ZXDC: variants seen among roughly 807,000 people sequenced by gnomAD.
ZXDC encodes ZXD family zinc finger C.
ZXDC carries 58 observed loss-of-function variants against 63.6 expected under a neutral mutation model. That is an observed-to-expected ratio of 0.91 (90% CI 0.74 to 1.13). ZXDC has a LOEUF of 1.13. Among genes scored for constraint, ZXDC ranks in the 50% most tolerant of loss-of-function variants. The pLI is 0.00. For missense variants in ZXDC, 1,133 were observed against 1,148.9 expected, an observed-to-expected ratio of 0.99 and a Z score of 0.20; for synonymous variants, 561 against 496.1, an observed-to-expected ratio of 1.13 and a Z score of -1.74.
intron 7 of ZXDC, among the ~76,000 whole-genome samples, chr3:126,448,286 A>C (rs921613902): frequency 6.6e-6 from 1 of 152,224 alleles, no homozygotes; most frequent in Non-Finnish European, 1.5e-5. Flanking sequence ...TATGTACTGT[A>C]TCTTCACCAC....
chr3:126,454,089 GTA>G (rs1464269034), intron 7 of ZXDC: 6 of 892,104 alleles, frequency 6.7e-6, no homozygotes, highest in South Asian at 1.0e-4. Context: ...AAAGACTTTT[GTA>G]TAGTTTTCCT....
chr3:126,468,983 G>A (rs759624466), intron 4 of ZXDC, among the ~76,000 whole-genome samples: 1 of 152,170 alleles, frequency 6.6e-6, no homozygotes, highest in Non-Finnish European at 1.5e-5. Flanking sequence ...TCACAACAAC[G>A]ACAGTAACTG....
Position 126,470,875 on chromosome 3 carries a change from A to C in ZXDC, c.1270+20T>G, listed in dbSNP as rs755714948. On this transcript the variant is annotated intron_variant, in intron 4 of 9. Transcript: ENST00000389709. ...GCATTGCACTTAGTTTACTGCTCAA[A>C]GCAATGTTTTAAAATCTACCTTCCA... 7 of 1,613,642 alleles carry C rather than the reference A, an allele frequency of 4.3e-6. No homozygotes were observed. Among genetic ancestry groups the C allele is most frequent in the Non-Finnish European group, 5.9e-6 (7 of 1,179,662 alleles).
intron 7 of ZXDC, among the ~76,000 whole-genome samples, chr3:126,458,281 G>T (rs1165283188): frequency 6.7e-6 from 1 of 149,940 alleles, no homozygotes; most frequent in Non-Finnish European, 1.5e-5. Flanking sequence ...CTGTCACCCA[G>T]GCTGGAGCAC....
rs757802427 is a variant in ZXDC at position 126,439,740 on chromosome 3, C to T, written c.2395-13G>A. On this transcript the variant is annotated splice_polypyrimidine_tract_variant and intron_variant, in intron 8 of 9. Transcript: ENST00000389709. ...CGGAGGGGTCATCCTGGGAAGGCAACACAGAAAGGCCTGTCACATGTCTGT... is the reference window on the plus strand; with the variant it reads ...CGGAGGGGTCATCCTGGGAAGGCAATACAGAAAGGCCTGTCACATGTCTGT... The T allele has an allele frequency of 1.3e-6, 2 of 1,548,362 alleles. No homozygotes were observed. The highest frequency in any genetic ancestry group is 4.9e-5 in the East Asian group (2 of 40,946).
At chr3:126,447,853 T>C (rs561862598) in intron 7 of ZXDC, among the ~76,000 whole-genome samples, 1 of 152,336 alleles carries the variant, frequency 6.6e-6, no homozygotes, top group South Asian at 2.1e-4. Flanking sequence ...CCGCTGTCCA[T>C]GTGCTGGTAT....
At chr3:126,452,313 G>C (rs929179615) in intron 7 of ZXDC, 1 of 985,300 alleles carries the variant, frequency 1.0e-6, no homozygotes, top group African/African-American at 1.7e-5. Flanking sequence ...TTGGACTTCT[G>C]CATGAAATCG....
rs776399903 is a variant in ZXDC, at chr3:126,466,334, A to G, written c.1271-9T>C. The G allele has an allele frequency of 1.2e-6, 2 of 1,614,170 alleles. No individual in the cohort carries two copies. Among genetic ancestry groups the G allele is most frequent in the South Asian group, 1.1e-5 (1 of 91,084 alleles). On this transcript the variant is annotated splice_polypyrimidine_tract_variant and intron_variant, in intron 4 of 9. Transcript: ENST00000389709. ...GAACCTCGCGCAACATCCTGGAACA[A>G]AAAGAGTAATGAGAGTGAAACCCAA...
At chr3:126,446,634 T>C (rs1300877952) in intron 7 of ZXDC, among the ~76,000 whole-genome samples, 2 of 152,052 alleles carry the variant, frequency 1.3e-5, no homozygotes, top group Non-Finnish European at 2.9e-5. Flanking sequence ...GAACAGGAGG[T>C]AAGTGACTAT....
chr3:126,457,766 G>T, intron 7 of ZXDC: 1 of 597,406 alleles, frequency 1.7e-6, no homozygotes, highest in Non-Finnish European at 2.1e-6. Flanking sequence ...CCTAAGAAAT[G>T]AGTGGATCCA....
chr3:126,453,812 A>G (rs1215696180), intron 7 of ZXDC: 1 of 981,974 alleles, frequency 1.0e-6, no homozygotes, highest in Non-Finnish European at 1.2e-6. Flanking sequence ...CTCCTGCCTC[A>G]GCCTCCTGAG....
intron 7 of ZXDC, chr3:126,457,673 C>T (rs114181042): frequency 0.044 from 43,053 of 984,314 alleles, 969 homozygotes; most frequent in Middle Eastern, 0.05. Flanking sequence ...GGTAAAAAAA[C>T]GAGAAGCTGC....
Position 126,459,746 on chromosome 3 carries a change from A to G in ZXDC, c.2128-9T>C. Reference sequence around the variant, plus strand: ...GCTGAGCCCCCACTTTCCTGAGACCAAAGAAAAGCATGTCAGTCACTTATC... The same window carrying G: ...GCTGAGCCCCCACTTTCCTGAGACCGAAGAAAAGCATGTCAGTCACTTATC... On this transcript the variant is annotated splice_polypyrimidine_tract_variant and intron_variant, in intron 6 of 9. Transcript: ENST00000389709. The G allele has an allele frequency of 6.2e-7, 1 of 1,614,174 alleles. No individual in the cohort carries two copies. Among genetic ancestry groups the G allele is most frequent in the African/African-American group, 1.3e-5 (1 of 75,048 alleles).
chr3:126,459,549 TA>T, intron 7 of ZXDC, 103 bp downstream of exon 7: 1 of 1,566,720 alleles, frequency 6.4e-7, no homozygotes. Context: ...AACAGAAAAG[TA>T]AAACCAAGAG....
In ZXDC at chr3:126,466,375, C is replaced by T. The variant is rs754230322; in HGVS notation, c.1271-50G>A. On this transcript the variant is annotated intron_variant, in intron 4 of 9. Transcript: ENST00000389709. Reference sequence around the variant, plus strand: ...TGAAACCCAAGGATCACCAAGGAACCAGGAACAAGTGACACTTCCCCATCA... The same window carrying T: ...TGAAACCCAAGGATCACCAAGGAACTAGGAACAAGTGACACTTCCCCATCA... 7.5e-6 allele frequency: 12 copies of T among 1,609,670 alleles called. No individual in the cohort carries two copies. In the Admixed American group the frequency reaches 1.2e-4, roughly 16 times the overall value.
At chr3:126,461,491 G>C (rs750072446) in intron 6 of ZXDC, 44 bp downstream of exon 6, 1 of 1,554,740 alleles carries the variant, frequency 6.4e-7, no homozygotes, top group Non-Finnish European at 8.7e-7. Flanking sequence ...CCGAGTATGA[G>C]AGAAGTGACC....
Position 126,475,345 on chromosome 3 carries a change from C to T in ZXDC, c.521G>A (p.Gly174Asp). The T allele has an allele frequency of 6.6e-7, 1 of 1,519,536 alleles. No individual in the cohort carries two copies. The highest frequency in any genetic ancestry group is 8.8e-7 in the Non-Finnish European group (1 of 1,131,860). The allele number at this position is 1,519,536 out of a possible 1,614,324, so 94.1% of individuals were successfully genotyped here. Residue 174 changes from glycine to aspartate, a missense_variant, in exon 1 of 10, where the codon GGC (glycine) becomes GAC (aspartate). By Grantham distance (94) the Gly-to-Asp change is moderately conservative. Coordinates refer to ENST00000389709, the MANE Select transcript of ZXDC (RefSeq NM_025112.5). ...GCACTGCGGCTCGGGGCAGCGGTAGCCGGGCGTGCTGGGGCCGGAGGCCTG... is the reference window on the plus strand; with the variant it reads ...GCACTGCGGCTCGGGGCAGCGGTAGTCGGGCGTGCTGGGGCCGGAGGCCTG... ...APQASGPSTP[G>D]YRCPEPQCAL...
intron 7 of ZXDC, chr3:126,450,769 C>A (rs1055151026): frequency 2.8e-6 from 1 of 351,506 alleles, no homozygotes; most frequent in Non-Finnish European, 5.6e-6. Flanking sequence ...AATTACATCA[C>A]TGACTTAATT....
At chr3:126,473,787 G>C (rs1325160839) in intron 1 of ZXDC, among the ~76,000 whole-genome samples, 1 of 152,182 alleles carries the variant, frequency 6.6e-6, no homozygotes, top group Non-Finnish European at 1.5e-5. Flanking sequence ...ATACAGGTTA[G>C]GGGCATGCTA....
Sources: allele counts gnomAD v4.1 joint callset (sites outside exome capture counted in the v4.1 genomes callset), GRCh38; gene constraint gnomAD v4.1.1; transcripts MANE v1.5; gene names NCBI Gene and HGNC (gene_info 2026-07-23, HGNC 2026-07-21).